The following LRMDA variants were observed in gnomAD, a reference collection of about 807,000 sequenced individuals.
LRMDA encodes leucine rich melanocyte differentiation associated, also known as leucine-rich melanocyte differentiation-associated protein.
LRMDA carries 18 observed loss-of-function variants against 29.8 expected under a neutral mutation model. The ratio of observed to expected loss-of-function variants is 0.60; its 90% CI spans 0.42 to 0.90. LRMDA has a LOEUF of 0.90. Ranked by LOEUF, LRMDA falls within the 40% of genes least tolerant of loss-of-function variation. The probability of loss-of-function intolerance (pLI) is 0.00; values close to 1 mark genes in which losing one functional copy is unlikely to be tolerated. For missense variants in LRMDA, 273 were observed against 273.9 expected (o/e 1.00, Z 0.02); for synonymous variants, 125 against 109.4 (o/e 1.14, Z -0.89).
chr10:75,666,492 A>G (rs1011131754), intron 2 of LRMDA, among the ~76,000 whole-genome samples: 2 of 152,182 alleles, frequency 1.3e-5, no homozygotes, highest in Non-Finnish European at 2.9e-5. Flanking sequence ...ACAGGATTTC[A>G]GACAAGAAAT....
At chr10:76,102,098 C>G (rs567296729) in intron 5 of LRMDA, among the ~76,000 whole-genome samples, 1 of 152,282 alleles carries the variant, frequency 6.6e-6, no homozygotes, top group Non-Finnish European at 1.5e-5. Context: ...TAGCATGTAT[C>G]AGTATTTCAT....
intron 5 of LRMDA, among the ~76,000 whole-genome samples, chr10:76,148,539 A>C (rs553364066): frequency 6.6e-6 from 1 of 152,228 alleles, no homozygotes; most frequent in South Asian, 2.1e-4. Flanking sequence ...AGCCCATTGG[A>C]AAAGCACAGT....
intron 6 of LRMDA, among the ~76,000 whole-genome samples, chr10:76,459,589 A>C (rs1589196359): frequency 6.6e-6 from 1 of 152,076 alleles, no homozygotes; most frequent in African/African-American, 2.4e-5. Context: ...GCCACTGCGA[A>C]ATGTGTGGTT....
rs545306442 is a variant in LRMDA, at chr10:76,148,245, A to T, written c.516+89462A>T. ...AGGGACATTTAAGTCTGCAGAGGTTACTGCTATCTTTTTGTTTGTCTGTGC... is the reference window on the plus strand; with the variant it reads ...AGGGACATTTAAGTCTGCAGAGGTTTCTGCTATCTTTTTGTTTGTCTGTGC... On this transcript the variant is annotated intron_variant, in intron 5 of 6. Transcript: ENST00000611255. Among the ~76,000 whole-genome samples the T allele has an allele frequency of 4.6e-5, 7 of 152,330 alleles. 1 individual carries two copies. In the South Asian group the frequency reaches 1.4e-3, roughly 32 times the overall value.
chr10:75,721,098 T>C (rs1443771289), intron 2 of LRMDA, among the ~76,000 whole-genome samples: 1 of 152,244 alleles, frequency 6.6e-6, no homozygotes, highest in East Asian at 1.9e-4. Context: ...CAGTGGTCTT[T>C]TGCATAACCA....
chr10:75,556,319 TCAGAAATAGCAAAGA>T (rs1840212900), intron 2 of LRMDA, among the ~76,000 whole-genome samples: 1 of 152,116 alleles, frequency 6.6e-6, no homozygotes, highest in Non-Finnish European at 1.5e-5. Context: ...TAATGTCTCA[TCAGAAATAGCAAAGA>T]CAGTGGGACA....
chr10:76,532,472 G>T (rs1441237333), intron 6 of LRMDA, among the ~76,000 whole-genome samples: 1 of 152,206 alleles, frequency 6.6e-6, no homozygotes, highest in Non-Finnish European at 1.5e-5. Context: ...AATACAGGTT[G>T]TGGTTTCAAA....
rs984980380 is a variant in LRMDA at position 75,883,048 on chromosome 10, C to T, written c.132-152960C>T. Among the ~76,000 whole-genome samples, 6 of 152,320 alleles carry T rather than the reference C, an allele frequency of 3.9e-5. No individual in the cohort carries two copies. The South Asian group carries it at 8.3e-4, about 21-fold the overall frequency. On this transcript the variant is annotated intron_variant, in intron 2 of 6. Transcript: ENST00000611255. ...GTCCCTGACAACCCATGGACCGAGG[C>T]CTCATGCACAATCCCCCAGGTCAGG...
At chr10:75,681,882 G>A (rs555028371) in intron 2 of LRMDA, among the ~76,000 whole-genome samples, 7 of 152,226 alleles carry the variant, frequency 4.6e-5, no homozygotes, top group Non-Finnish European at 8.8e-5. Flanking sequence ...GACCTAAACC[G>A]GGAGAAAGCG....
chr10:76,154,045 T>C (rs1167934854), intron 5 of LRMDA, among the ~76,000 whole-genome samples: 1 of 152,250 alleles, frequency 6.6e-6, no homozygotes, highest in Non-Finnish European at 1.5e-5. Flanking sequence ...ATGACACATT[T>C]GCCATTCTTG....
At chr10:76,000,921 C>A (rs1728200080) in intron 2 of LRMDA, among the ~76,000 whole-genome samples, 2 of 152,120 alleles carry the variant, frequency 1.3e-5, no homozygotes, top group South Asian at 2.1e-4. Context: ...TCACATGCAC[C>A]ATTAGAAAAC....
chr10:75,730,357 C>G (rs925531111), intron 2 of LRMDA, among the ~76,000 whole-genome samples: 1 of 152,098 alleles, frequency 6.6e-6, no homozygotes, highest in African/African-American at 2.4e-5. Flanking sequence ...ACAATGGCCA[C>G]GACCCCACCA....
chr10:76,103,218 C>T (rs996709578), intron 5 of LRMDA, among the ~76,000 whole-genome samples: 1 of 152,094 alleles, frequency 6.6e-6, no homozygotes, highest in Non-Finnish European at 1.5e-5. Flanking sequence ...TTTTGGGTCT[C>T]CTTTAAGACT....
intron 2 of LRMDA, among the ~76,000 whole-genome samples, chr10:75,828,544 A>G (rs902920473): frequency 1.3e-5 from 2 of 152,166 alleles, no homozygotes; most frequent in African/African-American, 4.8e-5. Context: ...GGGACTTGGC[A>G]TTTTCCAAAC....
chr10:76,354,125 G>T (rs866393490), intron 6 of LRMDA, among the ~76,000 whole-genome samples: 2 of 152,142 alleles, frequency 1.3e-5, no homozygotes, highest in Non-Finnish European at 2.9e-5. Flanking sequence ...CTGACTGCAG[G>T]TGTTGGAGAT....
intron 2 of LRMDA, among the ~76,000 whole-genome samples, chr10:75,480,949 T>A (rs1165872800): frequency 1.3e-5 from 2 of 151,840 alleles, no homozygotes; most frequent in African/African-American, 4.8e-5. Flanking sequence ...GGGTTTTTTG[T>A]TGGAACAACT....
intron 5 of LRMDA, among the ~76,000 whole-genome samples, chr10:76,220,031 G>A (rs545407798): frequency 1.3e-5 from 2 of 152,274 alleles, no homozygotes; most frequent in East Asian, 3.9e-4. Context: ...GGTACTTAAC[G>A]AAATGAAGGC....
At chr10:76,157,503 A>G (rs765179239) in intron 5 of LRMDA, among the ~76,000 whole-genome samples, 1 of 152,092 alleles carries the variant, frequency 6.6e-6, no homozygotes, top group Non-Finnish European at 1.5e-5. Flanking sequence ...AGTCTCAGCT[A>G]CTCAGAGGGC....
intron 2 of LRMDA, among the ~76,000 whole-genome samples, chr10:75,543,893 C>T (rs1840047947): frequency 6.6e-6 from 1 of 152,076 alleles, no homozygotes; most frequent in Non-Finnish European, 1.5e-5. Flanking sequence ...ATTTTCACTC[C>T]TTTCAGTGAC....
Sources: allele counts gnomAD v4.1 joint callset (sites outside exome capture counted in the v4.1 genomes callset), GRCh38; gene constraint gnomAD v4.1.1; transcripts MANE v1.5; gene names NCBI Gene and HGNC (gene_info 2026-07-23, HGNC 2026-07-21).